Variants in PI4KA observed in about 807,000 individuals in gnomAD.
The protein encoded by PI4KA is phosphatidylinositol 4-kinase alpha, also known as PI4-kinase alpha.
PI4KA carries 122 observed loss-of-function variants against 271.4 expected under a neutral mutation model. That is an observed-to-expected ratio of 0.45 (90% confidence interval 0.39 to 0.52). The LOEUF (loss-of-function observed/expected upper bound fraction) is 0.52. PI4KA is among the 20% of genes least tolerant of loss of function. PI4KA has a pLI of 0.00. For synonymous variants in PI4KA, 1,041 were observed against 1,078.8 expected, an observed-to-expected ratio of 0.96 and a Z score of 0.69; for missense variants, 1,969 against 2,769.1, an observed-to-expected ratio of 0.71 and a Z score of 6.48.
chr22:20,851,212 T>C (rs377699780), intron 1 of PI4KA, among the ~76,000 whole-genome samples: 128 of 152,082 alleles, frequency 8.4e-4, no homozygotes, highest in African/African-American at 2.7e-3. Context: ...TTAATGTCTA[T>C]TTATCCACCC....
At chr22:20,846,974 C>T (rs1049484657) in intron 1 of PI4KA, among the ~76,000 whole-genome samples, 4 of 151,376 alleles carry the variant, frequency 2.6e-5, no homozygotes, top group African/African-American at 9.7e-5. Context: ...GATGAAACCC[C>T]GTCTCTACTA....
chr22:20,801,925 G>T, intron 14 of PI4KA, 48 bp downstream of exon 14: 1 of 1,594,860 alleles, frequency 6.3e-7, no homozygotes, highest in Non-Finnish European at 8.6e-7. Flanking sequence ...GTAATAACCC[G>T]CTTGTCTGGA....
intron 32 of PI4KA, among the ~76,000 whole-genome samples, chr22:20,738,883 G>A (rs1357955123): frequency 6.6e-6 from 1 of 152,072 alleles, no homozygotes; most frequent in Non-Finnish European, 1.5e-5. Context: ...CAGCTATTGA[G>A]TAGGAGGAGG....
intron 19 of PI4KA, chr22:20,784,254 C>G (rs1275770011): frequency 6.2e-7 from 1 of 1,613,940 alleles, no homozygotes; most frequent in Non-Finnish European, 8.5e-7. Flanking sequence ...AGGTATTTCA[C>G]ACTGTGTGTT....
chr22:20,838,877 G>C, intron 1 of PI4KA, 146 bp from the exon 2 acceptor site: 2 of 597,846 alleles, frequency 3.3e-6, no homozygotes, highest in Non-Finnish European at 6.0e-6. Context: ...GGGAGTTTGA[G>C]ACTAGCCTGG....
chr22:20,777,033 GTTTTTTTTTGT>G (rs1231432624), intron 19 of PI4KA, among the ~76,000 whole-genome samples: 19 of 108,732 alleles, frequency 1.7e-4, no homozygotes, highest in East Asian at 8.6e-4. Flanking sequence ...ACAAAAGGCA[GTTTTTTTTTGT>G]TTTTTTTTTG....
At chr22:20,765,540 T>C in intron 20 of PI4KA, 45 bp downstream of exon 20, 2 of 1,321,802 alleles carry the variant, frequency 1.5e-6, no homozygotes, top group Non-Finnish European at 2.2e-6. Context: ...ACCTTTACCT[T>C]CACTCTGCAC....
At chr22:20,828,615 C>T (rs1034092635) in intron 3 of PI4KA, among the ~76,000 whole-genome samples, 6 of 151,754 alleles carry the variant, frequency 4.0e-5, no homozygotes, top group Admixed American at 2.6e-4. Flanking sequence ...AGTGCGGTGG[C>T]GTGATCTCGG....
chr22:20,718,351 T>A (rs4052230), intron 44 of PI4KA, among the ~76,000 whole-genome samples: 142 of 152,332 alleles, frequency 9.3e-4, no homozygotes, highest in African/African-American at 2.2e-3. Flanking sequence ...CCTGACACCA[T>A]GAGGATCGAT....
Position 20,803,224 on chromosome 22 carries a change from T to G in PI4KA, c.1558A>C (p.Lys520Gln). Residue 520 changes from lysine to glutamine, a missense_variant, in exon 13 of 55, where the codon AAG (lysine) becomes CAG (glutamine). By Grantham distance (53) the Lys-to-Gln change is moderately conservative. This residue lies in a region of PI4KA where 228 missense variants were observed against 261.6 expected (regional missense o/e 0.87). Transcript: ENST00000255882. Reference sequence around the variant, plus strand: ...TACTGACTGTGGTACTTGTAGAGCTTCACCAGAACTGGGGACGGGATGACC... The same window carrying G: ...TACTGACTGTGGTACTTGTAGAGCTGCACCAGAACTGGGGACGGGATGACC... ...FLVIPSPVLV[K>Q]LYKYHSQYHT... is the part of the protein sequence containing the mutation. 1.9e-6 allele frequency: 3 copies of G among 1,614,128 alleles called. No homozygotes were observed. The highest frequency in any genetic ancestry group is 1.7e-6 in the Non-Finnish European group (2 of 1,179,996).
chr22:20,808,589 C>CA lies in PI4KA; in HGVS notation c.1072-1132dup, dbSNP rs361792. 2.2e-3 allele frequency among the ~76,000 whole-genome samples: 233 copies of CA among 104,528 alleles called. 1 individual carries two copies. Among genetic ancestry groups the CA allele is most frequent in the African/African-American group, 4.3e-3 (125 of 29,010 alleles). The allele number at this position is 104,528 out of a possible 152,430, so 68.6% of individuals were successfully genotyped here. On this transcript the variant is annotated intron_variant, in intron 9 of 54. Coordinates refer to ENST00000255882, the MANE Select transcript of PI4KA (RefSeq NM_058004.4). ...TGGGTGACAGAGTGAGACTCCGTCT[C>CA]AAAAAAAAAAAAAAAAAGATAACAG...
chr22:20,727,070 A>G (rs938705786), intron 41 of PI4KA, among the ~76,000 whole-genome samples, 160 bp downstream of exon 41: 1 of 152,142 alleles, frequency 6.6e-6, no homozygotes, highest in Non-Finnish European at 1.5e-5. Flanking sequence ...TTGAATTAGA[A>G]CTAAATCCAT....
intron 7 of PI4KA, among the ~76,000 whole-genome samples, chr22:20,814,301 G>A (rs178050): frequency 0.38 from 57,833 of 152,006 alleles, 11,490 homozygotes; most frequent in African/African-American, 0.48. Context: ...ATACATAGAG[G>A]TAGAATGGTA....
chr22:20,783,425 C>T (rs961466008), intron 19 of PI4KA, among the ~76,000 whole-genome samples: 25 of 140,644 alleles, frequency 1.8e-4, no homozygotes, highest in Non-Finnish European at 3.1e-4. Context: ...AGCAAGACCC[C>T]ATCTACAATT....
intron 36 of PI4KA, among the ~76,000 whole-genome samples, chr22:20,731,439 C>T (rs1275359076): frequency 6.6e-6 from 1 of 152,028 alleles, no homozygotes; most frequent in Non-Finnish European, 1.5e-5. Context: ...AGAAAACCAT[C>T]TCAGCCAGGC....
At position 20,717,733 on chromosome 22, in the gene PI4KA, G is replaced by C. The variant is rs1462019909; in HGVS notation, c.5292C>G (p.Ala1764=). 2 of 1,581,506 alleles carry C rather than the reference G, an allele frequency of 1.3e-6. No homozygotes were observed. The highest frequency in any genetic ancestry group is 8.6e-7 in the Non-Finnish European group (1 of 1,162,110). ...GDERKKACLS[A]LSEVKVQPGC... ...CCGGCTGCACCTTCACTTCAGACAG[G>C]GCCGACAGACAAGCCTTCTTTCTCT... The change falls in exon 45 of 55, where the codon GCC becomes GCG. Residue 1764 remains alanine (A), a synonymous_variant. Coordinates refer to ENST00000255882, the MANE Select transcript of PI4KA (RefSeq NM_058004.4).
chr22:20,746,818 C>A (rs971957851), intron 29 of PI4KA, among the ~76,000 whole-genome samples: 1 of 152,218 alleles, frequency 6.6e-6, no homozygotes, highest in African/African-American at 2.4e-5. Context: ...CGAGAAGACA[C>A]CAGCATTCTC....
In PI4KA at chr22:20,839,392, T is replaced by C. The variant is rs573965025; in HGVS notation, c.157-661A>G. Among the ~76,000 whole-genome samples the C allele has an allele frequency of 5.9e-5, 9 of 152,320 alleles. No homozygotes were observed. In the East Asian group the frequency reaches 1.7e-3, roughly 29 times the overall value. ...AGTAATATGAGCTGAAGGTTAAAAC[T>C]GTGTATACTCAGAGGGGGTAAGACA... On this transcript the variant is annotated intron_variant, in intron 1 of 54. Coordinates refer to ENST00000255882, the MANE Select transcript of PI4KA (RefSeq NM_058004.4).
At chr22:20,799,636 T>A in intron 15 of PI4KA, 35 bp downstream of exon 15, 1 of 1,446,536 alleles carries the variant, frequency 6.9e-7, no homozygotes. Flanking sequence ...CTGAGAACAA[T>A]GGGCTGCCTC....
Sources: gnomAD v4.1 joint callset for allele counts (sites outside exome capture counted in the v4.1 genomes callset) on GRCh38, gnomAD v4.1.1 for gene constraint, gnomAD v4.1.1 regional missense constraint, MANE v1.5 for transcripts, NCBI Gene and HGNC (gene_info 2026-07-23, HGNC 2026-07-21) for gene names.